Variants in DMRT1 observed in about 807,000 individuals in gnomAD.
DMRT1 encodes doublesex and mab-3 related transcription factor 1, also known as doublesex- and mab-3-related transcription factor 1.
In DMRT1, 7 loss-of-function variants were observed where a neutral mutation model predicts 32.3. The ratio of observed to expected loss-of-function variants is 0.22; its 90% CI spans 0.12 to 0.41. The LOEUF (loss-of-function observed/expected upper bound fraction) is 0.41, where lower values mean the gene tolerates loss of function less well. DMRT1 is among the 10% of genes least tolerant of loss of function. The pLI, the probability that DMRT1 is intolerant of heterozygous loss-of-function variation, is 1.00. For synonymous variants in DMRT1, 278 were observed against 206.1 expected (o/e 1.35, Z -2.99); for missense variants, 625 against 500.5 (o/e 1.25, Z -2.37).
Position 893,963 on chromosome 9 carries a change from T to G in DMRT1, c.590T>G (p.Val197Gly). The change falls in exon 3 of 5, where the codon GTG (valine) becomes GGG (glycine). Residue 197 changes from valine (V) to glycine (G), a missense_variant. Around this residue, in one of 3 missense-constraint regions of DMRT1, gnomAD observed 416 missense variants for 321.6 expected, o/e 1.29. Transcript: ENST00000382276. ...DIPAVTSRGHVENTPDLVSDS... is the reference protein window; with the variant it reads ...DIPAVTSRGHGENTPDLVSDS... ...CCTGCTGTCACCAGCAGAGGGCATG[T>G]GGAGAACACACCTGACCTGGTTTCA... is the stretch of plus-strand genomic sequence containing the variant. The G allele has an allele frequency of 1.2e-6, 2 of 1,614,182 alleles. No individual in the cohort carries two copies. Among genetic ancestry groups the G allele is most frequent in the Non-Finnish European group, 1.7e-6 (2 of 1,179,996 alleles).
intron 4 of DMRT1, among the ~76,000 whole-genome samples, chr9:932,990 G>A (rs1196240103): frequency 6.6e-6 from 1 of 151,796 alleles, no homozygotes; most frequent in African/African-American, 2.4e-5. Flanking sequence ...TTGGCCCACT[G>A]CAACCTCCGT....
intron 4 of DMRT1, among the ~76,000 whole-genome samples, chr9:931,601 A>C (rs552228873): frequency 6.6e-6 from 1 of 152,276 alleles, no homozygotes; most frequent in South Asian, 2.1e-4. Context: ...CTTTCCGGTA[A>C]GGCTTCTCTC....
At chr9:883,600 G>T (rs1339345073) in intron 2 of DMRT1, among the ~76,000 whole-genome samples, 1 of 151,304 alleles carries the variant, frequency 6.6e-6, no homozygotes, top group Admixed American at 6.6e-5. Context: ...AGACCAGCCT[G>T]GGCAACATAG....
intron 3 of DMRT1, 79 bp from the exon 4 acceptor site, chr9:916,684 T>A: frequency 6.4e-7 from 1 of 1,555,840 alleles, no homozygotes; most frequent in Admixed American, 1.7e-5. Flanking sequence ...TTACCTTGTT[T>A]TAAAGAACTA....
At chr9:847,658 C>T (rs899589947) in intron 2 of DMRT1, among the ~76,000 whole-genome samples, 1 of 123,686 alleles carries the variant, frequency 8.1e-6, no homozygotes, top group Non-Finnish European at 2.0e-5. Flanking sequence ...CATGTGAAAC[C>T]TGAGACATAG....
chr9:894,326 GT>G lies in DMRT1; in HGVS notation c.822+132del, dbSNP rs898896244. On this transcript the variant is annotated intron_variant, in intron 3 of 4. Coordinates refer to ENST00000382276, the MANE Select transcript of DMRT1 (RefSeq NM_021951.3). ...AGGCACACACAGGTGACACACACAG[GT>G]ACACACACATATGTGTGTGTGCCAT... is the stretch of plus-strand genomic sequence containing the variant. The G allele has an allele frequency of 5.5e-4, 530 of 962,326 alleles. 3 individuals are homozygous for G. The African/African-American group carries it at 6.7e-3, about 12-fold the overall frequency. 59.6% of individuals were successfully genotyped at this position (962,326 alleles called of 1,614,324 possible). A position where few individuals can be genotyped will look rare whatever the true frequency, so the allele number is the denominator to read the frequency against.
intron 4 of DMRT1, among the ~76,000 whole-genome samples, chr9:920,469 T>TG (rs1818317956): frequency 6.6e-6 from 1 of 152,170 alleles, no homozygotes; most frequent in Non-Finnish European, 1.5e-5. Context: ...CATCAGCTGT[T>TG]GCAAGGTGGA....
chr9:863,148 AC>A (rs1564205349), intron 2 of DMRT1, among the ~76,000 whole-genome samples: 1 of 98,366 alleles, frequency 1.0e-5, no homozygotes, highest in Non-Finnish European at 2.2e-5. Flanking sequence ...TCAGGTCTCT[AC>A]AAAAAAAAAA....
intron 2 of DMRT1, among the ~76,000 whole-genome samples, chr9:885,851 TGGACTGTAAG>T (rs1389293551): frequency 6.6e-6 from 1 of 152,212 alleles, no homozygotes; most frequent in African/African-American, 2.4e-5. Context: ...AATTCTGTAA[TGGACTGTAAG>T]GGACTACTGG....
At chr9:869,056 G>A (rs1314396467) in intron 2 of DMRT1, among the ~76,000 whole-genome samples, 1 of 152,118 alleles carries the variant, frequency 6.6e-6, no homozygotes. Context: ...CTTTATATTA[G>A]CAGCTTTTTT....
intron 4 of DMRT1, among the ~76,000 whole-genome samples, chr9:917,343 T>C (rs533758323): frequency 1.3e-5 from 2 of 152,300 alleles, no homozygotes; most frequent in Non-Finnish European, 2.9e-5. Context: ...ATAAAACATT[T>C]TTGAATACAA....
chr9:909,006 C>T (rs1214814739), intron 3 of DMRT1, among the ~76,000 whole-genome samples: 2 of 152,240 alleles, frequency 1.3e-5, no homozygotes, highest in South Asian at 2.1e-4. Flanking sequence ...TTGGCCTTTG[C>T]GGGAATCCCT....
At chr9:932,701 C>T (rs1214291292) in intron 4 of DMRT1, among the ~76,000 whole-genome samples, 3 of 152,090 alleles carry the variant, frequency 2.0e-5, no homozygotes, top group Admixed American at 6.5e-5. Context: ...ATGGGGTGCC[C>T]AGGTTATCCA....
chr9:966,514 A>G (rs539136074), intron 4 of DMRT1, among the ~76,000 whole-genome samples: 1 of 152,202 alleles, frequency 6.6e-6, no homozygotes, highest in Non-Finnish European at 1.5e-5. Flanking sequence ...TTTTCAGATC[A>G]TCTCTTTCCT....
At chr9:897,006 C>G (rs1817393536) in intron 3 of DMRT1, among the ~76,000 whole-genome samples, 1 of 151,906 alleles carries the variant, frequency 6.6e-6, no homozygotes, top group Non-Finnish European at 1.5e-5. Context: ...AGGGATCTGA[C>G]TTCTTGGGCA....
intron 4 of DMRT1, among the ~76,000 whole-genome samples, chr9:919,138 A>G (rs1818276415): frequency 6.6e-6 from 1 of 152,196 alleles, no homozygotes; most frequent in Non-Finnish European, 1.5e-5. Flanking sequence ...CAGATCCGTC[A>G]AGTCTAAGTT....
chr9:850,122 A>G (rs531778589), intron 2 of DMRT1, among the ~76,000 whole-genome samples: 1 of 152,168 alleles, frequency 6.6e-6, no homozygotes, highest in Non-Finnish European at 1.5e-5. Flanking sequence ...CCCAGCTGAC[A>G]ATAGGCTCTC....
chr9:936,566 A>T (rs951780594), intron 4 of DMRT1, among the ~76,000 whole-genome samples: 1 of 152,118 alleles, frequency 6.6e-6, no homozygotes, highest in South Asian at 2.1e-4. Flanking sequence ...AGCCTGGCCA[A>T]CATGGCGAAA....
At chr9:952,501 A>C (rs985877051) in intron 4 of DMRT1, among the ~76,000 whole-genome samples, 6 of 152,256 alleles carry the variant, frequency 3.9e-5, no homozygotes, top group African/African-American at 1.4e-4. Flanking sequence ...TCTGATTCCC[A>C]GGAAGCTTGC....
Sources: allele counts gnomAD v4.1 joint callset (sites outside exome capture counted in the v4.1 genomes callset), GRCh38; gene constraint gnomAD v4.1.1; regional missense constraint gnomAD v4.1.1; transcripts MANE v1.5; gene names NCBI Gene and HGNC (gene_info 2026-07-23, HGNC 2026-07-21).